ROBO2: variants seen among roughly 807,000 people sequenced by gnomAD.
ROBO2 encodes roundabout homolog 2.
A neutral mutation model predicts 160.8 loss-of-function variants in ROBO2; 53 were observed. The observed-to-expected ratio is 0.33, with a 90% CI of 0.26 to 0.41. ROBO2 has a LOEUF of 0.41. Ranked by LOEUF, ROBO2 falls within the 10% of genes least tolerant of loss-of-function variation. The pLI is 1.00. For synonymous variants in ROBO2, 664 were observed against 611.7 expected (o/e 1.09, Z -1.26); for missense variants, 1,577 against 1,722.4 (o/e 0.92, Z 1.49).
intron 2 of ROBO2, among the ~76,000 whole-genome samples, chr3:76,794,984 G>T (rs1274567232): frequency 6.6e-6 from 1 of 151,960 alleles, no homozygotes; most frequent in African/African-American, 2.4e-5. Flanking sequence ...ACCACAAGTA[G>T]CAAGTTGCAA....
intron 2 of ROBO2, among the ~76,000 whole-genome samples, chr3:76,657,714 A>T (rs28863796): frequency 7.4e-6 from 1 of 135,746 alleles, no homozygotes; most frequent in Non-Finnish European, 1.5e-5. Flanking sequence ...ATATGTGTGT[A>T]TATATATTCA....
chr3:76,098,215 A>G (rs1302082689), intron 2 of ROBO2, among the ~76,000 whole-genome samples: 2 of 152,172 alleles, frequency 1.3e-5, no homozygotes, highest in African/African-American at 4.8e-5. Flanking sequence ...GCCAATTTGA[A>G]CTTTAATTCC....
intron 2 of ROBO2, among the ~76,000 whole-genome samples, chr3:77,412,666 T>C (rs1047095674): frequency 8.5e-5 from 13 of 152,170 alleles, no homozygotes; most frequent in Non-Finnish European, 1.9e-4. Flanking sequence ...TTCAAAGATC[T>C]GAAAGTCTTT....
chr3:76,192,391 T>C (rs1702049932), intron 2 of ROBO2, among the ~76,000 whole-genome samples: 1 of 152,066 alleles, frequency 6.6e-6, no homozygotes, highest in African/African-American at 2.4e-5. Context: ...CTTATTCTTG[T>C]TGGTATAAAA....
At chr3:75,950,733 C>A (rs1278242039) in intron 2 of ROBO2, among the ~76,000 whole-genome samples, 1 of 151,958 alleles carries the variant, frequency 6.6e-6, no homozygotes, top group African/African-American at 2.4e-5. Context: ...TCTGGATGCT[C>A]CAGTTTCCTC....
At chr3:75,993,620 G>A (rs1299750329) in intron 2 of ROBO2, among the ~76,000 whole-genome samples, 2 of 152,064 alleles carry the variant, frequency 1.3e-5, no homozygotes, top group African/African-American at 4.8e-5. Flanking sequence ...CGCAATTTTA[G>A]GTGGAAACTG....
intron 2 of ROBO2, among the ~76,000 whole-genome samples, chr3:76,363,508 G>A (rs1403512682): frequency 6.6e-6 from 1 of 152,062 alleles, no homozygotes; most frequent in Non-Finnish European, 1.5e-5. Flanking sequence ...AACAAGAACA[G>A]GTAGTTCTAA....
intron 2 of ROBO2, among the ~76,000 whole-genome samples, chr3:76,381,294 G>T (rs922113378): frequency 2.0e-5 from 3 of 152,034 alleles, no homozygotes; most frequent in Admixed American, 6.6e-5. Flanking sequence ...TAGGGAAAAG[G>T]CCAATTTGGA....
intron 2 of ROBO2, among the ~76,000 whole-genome samples, chr3:76,150,005 T>A: frequency 7.0e-6 from 1 of 143,544 alleles, no homozygotes; most frequent in South Asian, 2.3e-4. Context: ...ACACATCATC[T>A]GTCTAAAACA....
intron 2 of ROBO2, among the ~76,000 whole-genome samples, chr3:76,298,078 A>C (rs1352791174): frequency 6.6e-6 from 1 of 152,206 alleles, no homozygotes; most frequent in African/African-American, 2.4e-5. Flanking sequence ...CGGGAATAAG[A>C]ACTCTGAAAT....
chr3:77,135,474 C>T (rs2076205924), intron 2 of ROBO2, among the ~76,000 whole-genome samples: 1 of 152,102 alleles, frequency 6.6e-6, no homozygotes, highest in Non-Finnish European at 1.5e-5. Flanking sequence ...GATCTCTGCT[C>T]CCTGCAGTCT....
chr3:77,532,887 G>A (rs2091849837), intron 6 of ROBO2, among the ~76,000 whole-genome samples: 1 of 151,702 alleles, frequency 6.6e-6, no homozygotes, highest in Non-Finnish European at 1.5e-5. Flanking sequence ...TTGTTTCTGT[G>A]TTTCTTTGAG....
At chr3:76,835,000 G>A (rs1260101363) in intron 2 of ROBO2, among the ~76,000 whole-genome samples, 1 of 151,952 alleles carries the variant, frequency 6.6e-6, no homozygotes, top group Non-Finnish European at 1.5e-5. Flanking sequence ...TGTTACACAA[G>A]CAAAAGGAAT....
At chr3:76,756,291 A>G (rs1025375516) in intron 2 of ROBO2, among the ~76,000 whole-genome samples, 1 of 151,912 alleles carries the variant, frequency 6.6e-6, no homozygotes, top group Non-Finnish European at 1.5e-5. Flanking sequence ...AAATTAATAA[A>G]CCATTGTAGA....
intron 2 of ROBO2, among the ~76,000 whole-genome samples, chr3:77,178,651 A>T (rs79449476): frequency 0.063 from 9,555 of 152,062 alleles, 445 homozygotes; most frequent in Non-Finnish European, 0.091. Context: ...AATAAATTTT[A>T]TACCCCCCAC....
In ROBO2 at chr3:76,282,525, T is replaced by C. The variant is rs149097741; in HGVS notation, c.109+344923T>C. On this transcript the variant is annotated intron_variant, in intron 2 of 26. Transcript: ENST00000487694. ...TATGAATGCATAATGTTTATAAATG[T>C]AATTGCTTCATAGTTGCTTTGCATT... Among the ~76,000 whole-genome samples, 1,361 of 152,198 alleles carry C rather than the reference T, an allele frequency of 8.9e-3. 13 individuals are homozygous for C. Among genetic ancestry groups the C allele is most frequent in the African/African-American group, 0.028 (1,169 of 41,554 alleles).
intron 1 of ROBO2, among the ~76,000 whole-genome samples, chr3:77,054,185 T>C (rs1258729163): frequency 6.6e-6 from 1 of 152,168 alleles, no homozygotes; most frequent in African/African-American, 2.4e-5. Context: ...AGAGTGAATA[T>C]AGCATCTTCA....
At chr3:76,703,738 C>T (rs2093095900) in intron 2 of ROBO2, among the ~76,000 whole-genome samples, 1 of 151,958 alleles carries the variant, frequency 6.6e-6, no homozygotes. Flanking sequence ...ATATATTTGC[C>T]ACGTTTTCTT....
intron 2 of ROBO2, among the ~76,000 whole-genome samples, chr3:76,420,414 A>G (rs2108917717): frequency 6.6e-6 from 1 of 152,312 alleles, no homozygotes; most frequent in South Asian, 2.1e-4. Flanking sequence ...TGTTTAAATG[A>G]TGACGTGTTA....
Sources: gnomAD v4.1 joint callset for allele counts (sites outside exome capture counted in the v4.1 genomes callset) on GRCh38, gnomAD v4.1.1 for gene constraint, MANE v1.5 for transcripts, NCBI Gene and HGNC (gene_info 2026-07-23, HGNC 2026-07-21) for gene names.